The following GNAQ variants were observed in gnomAD, a reference collection of about 807,000 sequenced individuals.
The protein encoded by GNAQ is guanine nucleotide-binding protein G(q) subunit alpha.
GNAQ carries 8 observed loss-of-function variants against 43.9 expected under a neutral mutation model. That is an observed-to-expected ratio of 0.18 (90% CI 0.11 to 0.33). The LOEUF is 0.33. Ranked by LOEUF, GNAQ falls within the 10% of genes least tolerant of loss-of-function variation. The probability of loss-of-function intolerance (pLI) is 1.00; values close to 1 mark genes in which losing one functional copy is unlikely to be tolerated. For synonymous variants in GNAQ, 155 were observed against 170.7 expected (o/e 0.91, Z 0.71); for missense variants, 158 against 450.8 (o/e 0.35, Z 5.88).
At chr9:77,730,770 T>C (rs990258808) in intron 5 of GNAQ, among the ~76,000 whole-genome samples, 2 of 152,192 alleles carry the variant, frequency 1.3e-5, no homozygotes, top group African/African-American at 4.8e-5. Context: ...CTAGTTCTCA[T>C]AGCCAGTGAT....
At chr9:77,961,603 G>T (rs1161804183) in intron 1 of GNAQ, among the ~76,000 whole-genome samples, 1 of 152,120 alleles carries the variant, frequency 6.6e-6, no homozygotes, top group Non-Finnish European at 1.5e-5. Flanking sequence ...TTTCATAAGG[G>T]TATCAACGTA....
At chr9:77,781,277 A>G (rs1826389010) in intron 5 of GNAQ, among the ~76,000 whole-genome samples, 1 of 151,588 alleles carries the variant, frequency 6.6e-6, no homozygotes, top group South Asian at 2.1e-4. Context: ...AAAGGGTGGG[A>G]CGTGGGGGTC....
At chr9:77,956,969 A>G (rs1823048518) in intron 1 of GNAQ, among the ~76,000 whole-genome samples, 2 of 152,320 alleles carry the variant, frequency 1.3e-5, no homozygotes, top group South Asian at 4.1e-4. Flanking sequence ...CCATGTAAGA[A>G]TATTCTGAAG....
chr9:77,886,909 G>A (rs962540339), intron 2 of GNAQ, among the ~76,000 whole-genome samples: 1 of 149,360 alleles, frequency 6.7e-6, no homozygotes, highest in Admixed American at 6.7e-5. Context: ...AGGGGTTCAA[G>A]ACCAGCCTGG....
At chr9:78,009,909 G>A (rs1425523591) in intron 1 of GNAQ, among the ~76,000 whole-genome samples, 2 of 152,128 alleles carry the variant, frequency 1.3e-5, no homozygotes, top group Non-Finnish European at 2.9e-5. Flanking sequence ...ATCAAAAACA[G>A]GACTAGCAGT....
At chr9:77,847,486 T>A (rs1323864044) in intron 2 of GNAQ, among the ~76,000 whole-genome samples, 2 of 152,132 alleles carry the variant, frequency 1.3e-5, no homozygotes, top group Non-Finnish European at 2.9e-5. Flanking sequence ...TGCCTTACAA[T>A]TTGCTACAGC....
At chr9:77,743,473 G>A (rs556892984) in intron 5 of GNAQ, among the ~76,000 whole-genome samples, 28 of 152,274 alleles carry the variant, frequency 1.8e-4, no homozygotes, top group African/African-American at 6.7e-4. Flanking sequence ...GATTAAGGGA[G>A]AAGGGATCAG....
intron 5 of GNAQ, among the ~76,000 whole-genome samples, chr9:77,773,152 A>C (rs1460767658): frequency 6.6e-6 from 1 of 152,184 alleles, no homozygotes; most frequent in Non-Finnish European, 1.5e-5. Context: ...CTTAAACCAA[A>C]GCTTCTTTAT....
At chr9:77,786,363 A>T (rs1044054859) in intron 5 of GNAQ, among the ~76,000 whole-genome samples, 1 of 151,914 alleles carries the variant, frequency 6.6e-6, no homozygotes, top group Non-Finnish European at 1.5e-5. Context: ...CTCAAAAAAA[A>T]AAAAAAAAAG....
At chr9:78,022,342 A>G (rs1265072650) in intron 1 of GNAQ, among the ~76,000 whole-genome samples, 1 of 152,192 alleles carries the variant, frequency 6.6e-6, no homozygotes, top group Non-Finnish European at 1.5e-5. Context: ...ATCTGCTGCA[A>G]TCTCCTCATT....
chr9:77,927,344 T>C (rs139414120), intron 1 of GNAQ, among the ~76,000 whole-genome samples: 105 of 152,326 alleles, frequency 6.9e-4, no homozygotes, highest in Admixed American at 2.2e-3. Flanking sequence ...CGTGGACTCA[T>C]TGGTTCCTTC....
chr9:77,723,114 A>G (rs1279651602), intron 6 of GNAQ, among the ~76,000 whole-genome samples: 1 of 152,260 alleles, frequency 6.6e-6, no homozygotes, highest in East Asian at 1.9e-4. Context: ...ACATTTTTCT[A>G]AAGAAGATAT....
chr9:77,961,463 C>A (rs1340388741), intron 1 of GNAQ, among the ~76,000 whole-genome samples: 1 of 141,554 alleles, frequency 7.1e-6, no homozygotes. Flanking sequence ...GAAGGGTGCC[C>A]TTGAACCTGA....
intron 2 of GNAQ, among the ~76,000 whole-genome samples, chr9:77,839,319 A>C (rs1237585333): frequency 2.0e-5 from 3 of 152,224 alleles, no homozygotes; most frequent in Admixed American, 1.3e-4. Flanking sequence ...ACCCTTCATT[A>C]GCTTGTTTGA....
At chr9:77,914,471 C>A (rs1828862461) in intron 2 of GNAQ, among the ~76,000 whole-genome samples, 1 of 152,086 alleles carries the variant, frequency 6.6e-6, no homozygotes, top group Admixed American at 6.6e-5. Context: ...TTTAGCCTGA[C>A]CAACATGGAG....
At chr9:78,011,090 C>T (rs1219570320) in intron 1 of GNAQ, among the ~76,000 whole-genome samples, 1 of 152,150 alleles carries the variant, frequency 6.6e-6, no homozygotes, top group Admixed American at 6.6e-5. Flanking sequence ...CCAAAAACAG[C>T]AAGGCTCCAT....
At chr9:77,726,630 C>T (rs1825400412) in intron 6 of GNAQ, among the ~76,000 whole-genome samples, 1 of 152,168 alleles carries the variant, frequency 6.6e-6, no homozygotes, top group South Asian at 2.1e-4. Flanking sequence ...GGAATGATAT[C>T]CATCCTGGAT....
intron 2 of GNAQ, among the ~76,000 whole-genome samples, chr9:77,895,916 C>T (rs1828496687): frequency 1.3e-5 from 2 of 152,122 alleles, no homozygotes; most frequent in African/African-American, 4.8e-5. Context: ...TTGCCTTCCG[C>T]CACGATTGTG....
intron 6 of GNAQ, among the ~76,000 whole-genome samples, chr9:77,725,579 T>TAAA (rs55766160): frequency 2.3e-4 from 13 of 57,140 alleles, no homozygotes; most frequent in African/African-American, 8.4e-4. Flanking sequence ...AAGGTAACAG[T>TAAA]AAAAAAAAAA....
Sources: allele counts gnomAD v4.1 joint callset (sites outside exome capture counted in the v4.1 genomes callset), GRCh38; gene constraint gnomAD v4.1.1; transcripts MANE v1.5; gene names NCBI Gene and HGNC (gene_info 2026-07-23, HGNC 2026-07-21).